The following C12orf42 variants were observed in gnomAD, a reference collection of about 807,000 sequenced individuals.
C12orf42 encodes the protein chromosome 12 open reading frame 42, also known as uncharacterized protein C12orf42.
C12orf42 carries 25 observed loss-of-function variants against 21.6 expected under a neutral mutation model. The observed-to-expected ratio is 1.16, with a 90% CI of 0.84 to 1.62. The LOEUF is 1.62. Ranked by LOEUF, C12orf42 falls within the 40% of genes most tolerant of loss-of-function variation. The pLI, the probability that C12orf42 is intolerant of heterozygous loss-of-function variation, is 0.00. For synonymous variants in C12orf42, 174 were observed against 175.0 expected, an observed-to-expected ratio of 0.99 and a Z score of 0.05; for missense variants, 483 against 459.3, an observed-to-expected ratio of 1.05 and a Z score of -0.47.
the C12orf42 span, among the ~76,000 whole-genome samples, chr12:103,186,440 A>G: frequency 6.6e-6 from 1 of 152,192 alleles, no homozygotes; most frequent in Non-Finnish European, 1.5e-5. Context: ...TCATCCACGC[A>G]CTTAAAATTT....
chr12:103,441,354 CTGTCGATA>C (rs1951229927), intron 2 of C12orf42: 2 of 152,052 alleles, frequency 1.3e-5, no homozygotes, highest in African/African-American at 4.8e-5. Flanking sequence ...TATTTTTTTC[CTGTCGATA>C]TAAAACCTTC....
chr12:103,068,712 C>G, the C12orf42 span, among the ~76,000 whole-genome samples: 1 of 151,462 alleles, frequency 6.6e-6, no homozygotes, highest in African/African-American at 2.4e-5. Context: ...GCCTCCCAAC[C>G]TACATCTTTC....
At chr12:103,234,969 T>A (rs1342040572), downstream of C12orf42, among the ~76,000 whole-genome samples, 1 of 152,148 alleles carries the variant, frequency 6.6e-6, no homozygotes, top group Non-Finnish European at 1.5e-5. Context: ...ATTCAATATA[T>A]AAATGTTAAA....
At chr12:103,534,004 T>C in the C12orf42 span, among the ~76,000 whole-genome samples, 2 of 152,230 alleles carry the variant, frequency 1.3e-5, no homozygotes, top group Non-Finnish European at 1.5e-5. Flanking sequence ...TTGTACAAAT[T>C]AAATGAAGTA....
chr12:103,064,104 T>C, the C12orf42 span, among the ~76,000 whole-genome samples: 1 of 152,132 alleles, frequency 6.6e-6, no homozygotes. Flanking sequence ...TGAAATGTAT[T>C]AGTCACTTTG....
chr12:103,514,950 A>T, the C12orf42 span, among the ~76,000 whole-genome samples: 2 of 152,258 alleles, frequency 1.3e-5, no homozygotes, highest in Non-Finnish European at 2.9e-5. Flanking sequence ...ATAATTGGCA[A>T]TGTCAAGGGA....
the C12orf42 span, among the ~76,000 whole-genome samples, chr12:103,097,670 G>A: frequency 1.3e-5 from 2 of 152,188 alleles, no homozygotes; most frequent in African/African-American, 4.8e-5. Flanking sequence ...TTAAGCTAAT[G>A]GAGGTCAGTG....
chr12:103,201,115 C>T, the C12orf42 span, among the ~76,000 whole-genome samples: 103 of 152,298 alleles, frequency 6.8e-4, no homozygotes, highest in Middle Eastern at 3.4e-3. Context: ...ATTTTTGAAG[C>T]ATTAGCTGTG....
At chr12:103,235,785 G>A (rs979041905), downstream of C12orf42, among the ~76,000 whole-genome samples, 13 of 152,110 alleles carry the variant, frequency 8.5e-5, no homozygotes, top group South Asian at 2.1e-4. Flanking sequence ...TATTGTGCTT[G>A]GAGATCCAAC....
the C12orf42 span, among the ~76,000 whole-genome samples, chr12:103,202,934 T>C: frequency 6.6e-6 from 1 of 152,216 alleles, no homozygotes; most frequent in Non-Finnish European, 1.5e-5. Context: ...AAATTTGTCC[T>C]AGCACCTGGT....
the C12orf42 span, among the ~76,000 whole-genome samples, chr12:103,203,454 C>T: frequency 2.6e-5 from 4 of 152,088 alleles, no homozygotes; most frequent in African/African-American, 9.7e-5. Flanking sequence ...AGTGGGTTAA[C>T]CTATCAAAAC....
At chr12:103,193,227 C>T in the C12orf42 span, among the ~76,000 whole-genome samples, 1 of 151,244 alleles carries the variant, frequency 6.6e-6, no homozygotes, top group Admixed American at 6.6e-5. Flanking sequence ...CTATGGGATA[C>T]AGCAAAAGCA....
chr12:103,073,136 C>T, the C12orf42 span, among the ~76,000 whole-genome samples: 24 of 152,030 alleles, frequency 1.6e-4, no homozygotes, highest in African/African-American at 3.6e-4. Context: ...TGAGAACACA[C>T]GGACATATAG....
chr12:103,503,945 T>C, the C12orf42 span: 35 of 155,318 alleles, frequency 2.3e-4, no homozygotes, highest in Middle Eastern at 2.7e-3. Flanking sequence ...TGTCTAGTCC[T>C]CCTCTAGTCA....
the C12orf42 span, among the ~76,000 whole-genome samples, chr12:103,506,839 A>ATATATATATTTATATAT: frequency 2.4e-5 from 2 of 83,310 alleles, no homozygotes; most frequent in Admixed American, 2.0e-4. Flanking sequence ...TATATATTAT[A>ATATATATATTTATATAT]TATATATATA....
intron 2 of C12orf42, among the ~76,000 whole-genome samples, chr12:103,449,875 C>T (rs752302251): frequency 6.6e-6 from 1 of 150,970 alleles, no homozygotes; most frequent in Non-Finnish European, 1.5e-5. Flanking sequence ...GAATGACCAT[C>T]TTTATAATAG....
chr12:103,230,184 G>A, the C12orf42 span, among the ~76,000 whole-genome samples: 1 of 151,342 alleles, frequency 6.6e-6, no homozygotes, highest in Non-Finnish European at 1.5e-5. Context: ...AGCTTAGCTG[G>A]GTTCTCTGCT....
the C12orf42 span, among the ~76,000 whole-genome samples, chr12:103,535,080 T>C: frequency 6.6e-6 from 1 of 152,206 alleles, no homozygotes; most frequent in African/African-American, 2.4e-5. Flanking sequence ...AATCCTTCCC[T>C]TGTCTCTGAC....
At chr12:103,365,805 T>C (rs1566162611) in intron 4 of C12orf42, among the ~76,000 whole-genome samples, 2 of 151,882 alleles carry the variant, frequency 1.3e-5, no homozygotes, top group Admixed American at 6.6e-5. Context: ...AACTACAAAA[T>C]ACTGCTGAAA....
Sources: gnomAD v4.1 joint callset for allele counts (sites outside exome capture counted in the v4.1 genomes callset) on GRCh38, gnomAD v4.1.1 for gene constraint, MANE v1.5 for transcripts, NCBI Gene and HGNC (gene_info 2026-07-23, HGNC 2026-07-21) for gene names.